Variants in SLC35D4 observed in about 807,000 individuals in gnomAD.
The protein encoded by SLC35D4 is UDP-N-acetylglucosamine transporter SLC35D4.
chr18:23,377,667 G>A, the SLC35D4 span: 7 of 1,575,558 alleles, frequency 4.4e-6, no homozygotes, highest in Non-Finnish European at 5.1e-6. Flanking sequence ...TGCAGGAGAT[G>A]TTTTCTGCAT....
chr18:23,401,848 TA>T, the SLC35D4 span, among the ~76,000 whole-genome samples: 1 of 152,208 alleles, frequency 6.6e-6, no homozygotes, highest in Non-Finnish European at 1.5e-5. Flanking sequence ...AAAACATGCC[TA>T]GGGAACACCT....
the SLC35D4 span, among the ~76,000 whole-genome samples, chr18:23,437,477 TG>T: frequency 6.6e-6 from 1 of 152,022 alleles, no homozygotes; most frequent in Non-Finnish European, 1.5e-5. Context: ...AGGAGCCAAT[TG>T]CTTGCTTTCT....
chr18:23,270,157 G>T, the SLC35D4 span, among the ~76,000 whole-genome samples: 2 of 152,232 alleles, frequency 1.3e-5, no homozygotes, highest in Non-Finnish European at 2.9e-5. Context: ...GCTGTGGGGA[G>T]GCTAGGGACT....
chr18:23,424,632 C>A, the SLC35D4 span, among the ~76,000 whole-genome samples: 1 of 152,142 alleles, frequency 6.6e-6, no homozygotes, highest in Non-Finnish European at 1.5e-5. Flanking sequence ...ACCAAAAAAA[C>A]GCTTGCTACT....
the SLC35D4 span, among the ~76,000 whole-genome samples, chr18:23,291,181 C>T: frequency 1.3e-5 from 2 of 152,288 alleles, no homozygotes; most frequent in African/African-American, 4.8e-5. Flanking sequence ...CCGAAGACAG[C>T]GTCTGGGCTG....
At chr18:23,264,423 T>C in the SLC35D4 span, among the ~76,000 whole-genome samples, 1 of 133,030 alleles carries the variant, frequency 7.5e-6, no homozygotes, top group Non-Finnish European at 1.6e-5. Context: ...AGTGCAGTGG[T>C]GCGATCTCGG....
At chr18:23,265,234 G>C in the SLC35D4 span, among the ~76,000 whole-genome samples, 3 of 152,190 alleles carry the variant, frequency 2.0e-5, no homozygotes, top group African/African-American at 7.2e-5. Context: ...GAGAGCAGGA[G>C]GAGAACGGGA....
the SLC35D4 span, among the ~76,000 whole-genome samples, chr18:23,429,105 A>G: frequency 6.6e-6 from 1 of 152,298 alleles, no homozygotes; most frequent in African/African-American, 2.4e-5. Context: ...ATGGGCACCT[A>G]GGTTGATTCC....
At chr18:23,290,473 GAACA>G in the SLC35D4 span, among the ~76,000 whole-genome samples, 1 of 152,168 alleles carries the variant, frequency 6.6e-6, no homozygotes, top group African/African-American at 2.4e-5. Flanking sequence ...ACTTCAGGGA[GAACA>G]AATACCCCCA....
At chr18:23,275,416 C>G in the SLC35D4 span, among the ~76,000 whole-genome samples, 1 of 152,164 alleles carries the variant, frequency 6.6e-6, no homozygotes, top group Admixed American at 6.5e-5. Context: ...GGACCATGAA[C>G]CGTGCCCTCC....
the SLC35D4 span, among the ~76,000 whole-genome samples, chr18:23,418,203 G>T: frequency 6.6e-6 from 1 of 152,024 alleles, no homozygotes; most frequent in African/African-American, 2.4e-5. Context: ...TAAGCATACA[G>T]TGTGGAATAT....
At chr18:23,342,881 G>C in the SLC35D4 span, among the ~76,000 whole-genome samples, 1 of 151,714 alleles carries the variant, frequency 6.6e-6, no homozygotes, top group East Asian at 1.9e-4. Context: ...TGAAATATCT[G>C]TTCATGTGTT....
the SLC35D4 span, among the ~76,000 whole-genome samples, chr18:23,295,492 AT>A: frequency 2.0e-5 from 3 of 152,138 alleles, no homozygotes; most frequent in African/African-American, 4.8e-5. Context: ...TAGAAAAAAA[AT>A]AATATAAATA....
At chr18:23,265,400 A>G in the SLC35D4 span, among the ~76,000 whole-genome samples, 1 of 152,118 alleles carries the variant, frequency 6.6e-6, no homozygotes. Flanking sequence ...GCTTTGGCCA[A>G]TACACCCAGT....
chr18:23,276,580 G>A, the SLC35D4 span, among the ~76,000 whole-genome samples: 1 of 152,078 alleles, frequency 6.6e-6, no homozygotes, highest in Non-Finnish European at 1.5e-5. Flanking sequence ...TGTGGTGCTG[G>A]TATTTCATAG....
chr18:23,355,639 C>A, the SLC35D4 span, among the ~76,000 whole-genome samples: 1 of 148,336 alleles, frequency 6.7e-6, no homozygotes, highest in Non-Finnish European at 1.5e-5. Context: ...GCAGGACATA[C>A]CCACTAGCCA....
chr18:23,434,187 T>C, the SLC35D4 span, among the ~76,000 whole-genome samples: 10 of 152,154 alleles, frequency 6.6e-5, no homozygotes, highest in Non-Finnish European at 1.2e-4. Flanking sequence ...ATGTACAACC[T>C]ACCTGGCTCT....
At chr18:23,356,228 G>A in the SLC35D4 span, among the ~76,000 whole-genome samples, 1 of 152,204 alleles carries the variant, frequency 6.6e-6, no homozygotes, top group African/African-American at 2.4e-5. This position sits in a 1 kb window ranked among gnomAD's most constrained non-coding sequence, Gnocchi z 4.1. Context: ...GTGGGATTCT[G>A]AACCCAAATC....
the SLC35D4 span, among the ~76,000 whole-genome samples, chr18:23,286,939 T>C: frequency 6.6e-6 from 1 of 151,722 alleles, no homozygotes; most frequent in Non-Finnish European, 1.5e-5. Context: ...TCCCCCCACC[T>C]TAACCCACAA....
Sources: allele counts gnomAD v4.1 joint callset (sites outside exome capture counted in the v4.1 genomes callset), GRCh38; gene constraint gnomAD v4.1.1; non-coding constraint Gnocchi (gnomAD v3.1); transcripts MANE v1.5; gene names NCBI Gene and HGNC (gene_info 2026-07-23, HGNC 2026-07-21).